FHL5: variants seen among roughly 807,000 people sequenced by gnomAD.
The protein encoded by FHL5 is four and a half LIM domains protein 5.
FHL5 carries 33 observed loss-of-function variants against 32.0 expected under a neutral mutation model. The ratio of observed to expected loss-of-function variants is 1.03; its 90% confidence interval spans 0.78 to 1.38. The LOEUF is 1.38. Among genes scored for constraint, FHL5 ranks in the 40% most tolerant of loss-of-function variants. The probability of loss-of-function intolerance (pLI) is 0.00; values close to 1 mark genes in which losing one functional copy is unlikely to be tolerated. For missense variants in FHL5, 336 were observed against 343.9 expected (o/e 0.98, Z 0.18); for synonymous variants, 114 against 113.6 (o/e 1.00, Z -0.02).
chr6:96,594,873 A>G (rs938809033), intron 1 of FHL5, among the ~76,000 whole-genome samples: 1 of 152,002 alleles, frequency 6.6e-6, no homozygotes, highest in African/African-American at 2.4e-5. Context: ...AATGTAATTC[A>G]GTTAATGTAT....
Position 96,605,968 on chromosome 6 carries a change from G to C in FHL5, c.401G>C (p.Arg134Pro). The C allele has an allele frequency of 3.1e-6, 5 of 1,614,026 alleles. No individual in the cohort carries two copies. Among genetic ancestry groups the C allele is most frequent in the Non-Finnish European group, 4.2e-6 (5 of 1,179,940 alleles). ...ACCTGTTTTGTGTGTGAGAATTGCCGACAACCTATAGGGACAAAGCCTTTG... is the reference window on the plus strand; with the variant it reads ...ACCTGTTTTGTGTGTGAGAATTGCCCACAACCTATAGGGACAAAGCCTTTG... ...HETCFVCENC[R>P]QPIGTKPLIS... The change falls in exon 4 of 6, where the codon CGA becomes CCA. Residue 134 changes from arginine to proline, a missense_variant. Arg to Pro is a moderately radical substitution (Grantham distance 103, BLOSUM62 -2). Transcript: ENST00000450218.
Position 96,616,949 on chromosome 6 carries a change from G to A in FHL5, c.*1177G>A, listed in dbSNP as rs1771535023. Among the ~76,000 whole-genome samples, 1 of 150,880 alleles carries A rather than the reference G, an allele frequency of 6.6e-6. No individual in the cohort carries two copies. The highest frequency in any genetic ancestry group is 1.5e-5 in the Non-Finnish European group (1 of 67,786). ...CTGTGCCACACCCCCCTTACCCCAA[G>A]CCAGTTGTGCCCCCAGTTTCAATCT... On this transcript the variant is annotated 3_prime_UTR_variant, in exon 6 of 6. Coordinates refer to ENST00000450218, the MANE Select transcript of FHL5 (RefSeq NM_001322466.2).
At chr6:96,588,713 AAAACAGTCTC>A (rs1770852518) in intron 1 of FHL5, among the ~76,000 whole-genome samples, 1 of 152,082 alleles carries the variant, frequency 6.6e-6, no homozygotes, top group South Asian at 2.1e-4. Context: ...AGCTAATGGA[AAAACAGTCTC>A]CATTAGCTTG....
At chr6:96,589,122 A>T (rs1359993211) in intron 1 of FHL5, among the ~76,000 whole-genome samples, 1 of 151,960 alleles carries the variant, frequency 6.6e-6, no homozygotes, top group Non-Finnish European at 1.5e-5. Flanking sequence ...CCCCCTCTAA[A>T]CTACCATTTT....
intron 1 of FHL5, among the ~76,000 whole-genome samples, chr6:96,565,762 G>A (rs563596192): frequency 6.6e-6 from 1 of 152,022 alleles, no homozygotes; most frequent in Non-Finnish European, 1.5e-5. Flanking sequence ...GCTTGATTTT[G>A]TTTAACTATC....
At chr6:96,563,079 G>T (rs1161700160), upstream of FHL5, 1 of 152,104 alleles carries the variant, frequency 6.6e-6, no homozygotes, top group Non-Finnish European at 1.5e-5. Context: ...CAGAGAATTT[G>T]TTACTCATAG....
chr6:96,597,863 C>T (rs1271764299), intron 1 of FHL5, among the ~76,000 whole-genome samples: 1 of 152,104 alleles, frequency 6.6e-6, no homozygotes, highest in Non-Finnish European at 1.5e-5. Context: ...TAGACTTGCA[C>T]ACTAGACCTA....
intron 1 of FHL5, among the ~76,000 whole-genome samples, chr6:96,587,588 T>C (rs1481727332): frequency 6.6e-6 from 1 of 152,142 alleles, no homozygotes; most frequent in East Asian, 1.9e-4. Flanking sequence ...AGAGTATTCA[T>C]AACATATACA....
intron 1 of FHL5, among the ~76,000 whole-genome samples, chr6:96,583,316 T>C (rs1480870999): frequency 1.3e-5 from 2 of 152,194 alleles, no homozygotes; most frequent in Non-Finnish European, 2.9e-5. Flanking sequence ...TTTTCTACTG[T>C]AGAATGTGCA....
At chr6:96,585,708 AT>A (rs923459986) in intron 1 of FHL5, among the ~76,000 whole-genome samples, 4 of 152,180 alleles carry the variant, frequency 2.6e-5, no homozygotes, top group African/African-American at 9.6e-5. Context: ...GAATAAGAAT[AT>A]ATGGTAATTC....
chr6:96,587,747 T>C (rs1478318943), intron 1 of FHL5, among the ~76,000 whole-genome samples: 2 of 152,246 alleles, frequency 1.3e-5, no homozygotes, highest in Non-Finnish European at 2.9e-5. Context: ...ATCATCACTA[T>C]GCTTTTTAAA....
At chr6:96,586,536 A>T (rs1275544156) in intron 1 of FHL5, among the ~76,000 whole-genome samples, 1 of 152,208 alleles carries the variant, frequency 6.6e-6, no homozygotes, top group Non-Finnish European at 1.5e-5. Flanking sequence ...GGAGGAAGAA[A>T]GGTGAACTAA....
chr6:96,586,864 G>C (rs1770810017), intron 1 of FHL5, among the ~76,000 whole-genome samples: 1 of 152,190 alleles, frequency 6.6e-6, no homozygotes, highest in African/African-American at 2.4e-5. Context: ...CTGCAGACAA[G>C]AGTAGAGCTT....
intron 1 of FHL5, among the ~76,000 whole-genome samples, chr6:96,589,984 G>C (rs572886569): frequency 3.3e-5 from 5 of 151,954 alleles, no homozygotes; most frequent in South Asian, 4.1e-4. Flanking sequence ...TATATGTATA[G>C]ACTTGCTTTT....
rs1354194599 is a variant in FHL5, at chr6:96,606,150, G to A, written c.504+79G>A. ...CTGTATCATATATTTAGAATGAACT[G>A]ATACTATTATGTTATATCTGTAATC... On this transcript the variant is annotated intron_variant, in intron 4 of 5. Coordinates refer to ENST00000450218, the MANE Select transcript of FHL5 (RefSeq NM_001322466.2). The A allele has an allele frequency of 2.5e-6, 3 of 1,208,632 alleles. No individual in the cohort carries two copies. In the African/African-American group the frequency reaches 4.5e-5, roughly 18 times the overall value. The allele number at this position is 1,208,632 out of a possible 1,614,324, so 74.9% of individuals were successfully genotyped here. A position where few individuals can be genotyped will look rare whatever the true frequency, so the allele number is the denominator to read the frequency against.
In FHL5 at chr6:96,591,027, T is replaced by C. The variant is rs182446513; in HGVS notation, c.-12-12575T>C. Among the ~76,000 whole-genome samples the C allele has an allele frequency of 3.4e-3, 517 of 152,242 alleles. 1 individual carries two copies. The highest frequency in any genetic ancestry group is 5.2e-3 in the Non-Finnish European group (352 of 67,966). On this transcript the variant is annotated intron_variant, in intron 1 of 5. Coordinates refer to ENST00000450218, the MANE Select transcript of FHL5 (RefSeq NM_001322466.2). Reference sequence around the variant, plus strand: ...TTTGTATTTATTGTCAGAAGTATTATGGACCTATAGTTTTCCTTTCTCATA... The same window carrying C: ...TTTGTATTTATTGTCAGAAGTATTACGGACCTATAGTTTTCCTTTCTCATA...
At chr6:96,578,425 T>TA (rs948616592) in intron 1 of FHL5, among the ~76,000 whole-genome samples, 1 of 152,204 alleles carries the variant, frequency 6.6e-6, no homozygotes, top group African/African-American at 2.4e-5. Flanking sequence ...AAGTTGTCTT[T>TA]AAATGAGTCA....
intron 1 of FHL5, among the ~76,000 whole-genome samples, chr6:96,599,378 A>G (rs1038205665): frequency 6.6e-6 from 1 of 152,038 alleles, no homozygotes; most frequent in African/African-American, 2.4e-5. Context: ...TATTTTTAGT[A>G]GAGCAGGGGT....
chr6:96,583,779 G>T (rs1770742154), intron 1 of FHL5, among the ~76,000 whole-genome samples: 1 of 151,954 alleles, frequency 6.6e-6, no homozygotes, highest in African/African-American at 2.4e-5. Flanking sequence ...GCCATGGCAG[G>T]ACCTTAGGGC....
Sources: gnomAD v4.1 joint callset for allele counts (sites outside exome capture counted in the v4.1 genomes callset) on GRCh38, gnomAD v4.1.1 for gene constraint, MANE v1.5 for transcripts, NCBI Gene and HGNC (gene_info 2026-07-23, HGNC 2026-07-21) for gene names.